Variants in EDEM3 observed in about 807,000 individuals in gnomAD.
EDEM3 encodes the protein ER degradation enhancing alpha-mannosidase like protein 3, also known as ER degradation-enhancing alpha-mannosidase-like protein 3.
Under a neutral mutation model 110.2 loss-of-function variants are expected in EDEM3, and 60 were observed. The observed-to-expected ratio is 0.54, with a 90% CI of 0.44 to 0.67. The LOEUF (loss-of-function observed/expected upper bound fraction) is 0.67, where lower values mean the gene tolerates loss of function less well. EDEM3 is among the 30% of genes least tolerant of loss of function. The pLI is 0.00. For synonymous variants in EDEM3, 352 were observed against 382.9 expected, an observed-to-expected ratio of 0.92 and a Z score of 0.94; for missense variants, 996 against 1,121.0, an observed-to-expected ratio of 0.89 and a Z score of 1.59.
In EDEM3 at chr1:184,693,524, G is replaced by A. The variant is rs1012417366; in HGVS notation, c.*539C>T. Reference sequence around the variant, plus strand: ...ACTAAATGAAACAAGAGAAAGCAATGAGCAAAGACTGTTTTCACCATAAAT... The same window carrying A: ...ACTAAATGAAACAAGAGAAAGCAATAAGCAAAGACTGTTTTCACCATAAAT... On this transcript the variant is annotated 3_prime_UTR_variant, in exon 20 of 20. Coordinates refer to ENST00000318130, the MANE Select transcript of EDEM3 (RefSeq NM_025191.4). 2 of 152,528 alleles carry A rather than the reference G, an allele frequency of 1.3e-5. No homozygotes were observed. The highest frequency in any genetic ancestry group is 2.4e-5 in the African/African-American group (1 of 41,418). 9.4% of individuals were successfully genotyped at this position (152,528 alleles called of 1,614,324 possible).
At chr1:184,747,557 A>G (rs1277723371) in intron 2 of EDEM3, among the ~76,000 whole-genome samples, 5 of 152,234 alleles carry the variant, frequency 3.3e-5, no homozygotes, top group Non-Finnish European at 5.9e-5. Context: ...AGTCACTCAC[A>G]TTGTAAAATA....
rs1649022394 is a variant in EDEM3, at chr1:184,690,632, G to A, written c.*3431C>T. On this transcript the variant is annotated 3_prime_UTR_variant, in exon 20 of 20. Coordinates refer to ENST00000318130, the MANE Select transcript of EDEM3 (RefSeq NM_025191.4). ...GTACATAGTTTCCCTTAGAAATATT[G>A]TATACATTTATCACCAAACAATAAA... 1.3e-5 allele frequency: 2 copies of A among 152,334 alleles called. No individual in the cohort carries two copies. The highest frequency in any genetic ancestry group is 2.1e-4 in the South Asian group (1 of 4,818). The allele number at this position is 152,334 out of a possible 1,614,324, so 9.4% of individuals were successfully genotyped here.
intron 2 of EDEM3, among the ~76,000 whole-genome samples, chr1:184,740,476 T>A (rs1192624007): frequency 6.6e-6 from 1 of 152,228 alleles, no homozygotes; most frequent in Non-Finnish European, 1.5e-5. Context: ...CAAATCACTA[T>A]GTAAATAACA....
chr1:184,724,772 A>G (rs1033413876), intron 7 of EDEM3, among the ~76,000 whole-genome samples: 1 of 152,182 alleles, frequency 6.6e-6, no homozygotes, highest in African/African-American at 2.4e-5. Context: ...CTTCAAAAAG[A>G]TTTCCCTAGT....
At position 184,737,006 on chromosome 1, in the gene EDEM3, CAAG is replaced by C. The variant is rs757880811; in HGVS notation, c.345+16_345+18del. 5 of 1,603,584 alleles carry C rather than the reference CAAG, an allele frequency of 3.1e-6. No homozygotes were observed. Among genetic ancestry groups the C allele is most frequent in the Non-Finnish European group, 4.3e-6 (5 of 1,171,082 alleles). ...GTGCATATCATGAATAAAATAAATCCAAGAAGAGTCAAACCTACCACAAGAGTG... is the reference window on the plus strand; with the variant it reads ...GTGCATATCATGAATAAAATAAATCCAAGAGTCAAACCTACCACAAGAGTG... On this transcript the variant is annotated intron_variant, in intron 4 of 19. Transcript: ENST00000318130.
chr1:184,735,251 G>A (rs904391284), intron 4 of EDEM3, among the ~76,000 whole-genome samples: 2 of 152,120 alleles, frequency 1.3e-5, no homozygotes, highest in African/African-American at 4.8e-5. Flanking sequence ...TCTATAAAAA[G>A]AGGAAATACC....
In EDEM3 at chr1:184,711,931, A is replaced by ATT. The variant is rs35621191; in HGVS notation, c.1537-56_1537-55dup. The stretch of plus-strand genomic sequence containing the variant: ...AGAAATAATTATTTTACTTAACATA[A>ATT]TTTTTTTTTTTTTGAAATGGAGTCT... On this transcript the variant is annotated intron_variant, in intron 14 of 19. Coordinates refer to ENST00000318130, the MANE Select transcript of EDEM3 (RefSeq NM_025191.4). 3,364 of 1,069,374 alleles carry ATT rather than the reference A, an allele frequency of 3.1e-3. 13 individuals are homozygous for ATT. The highest frequency in any genetic ancestry group is 0.027 in the East Asian group (792 of 28,874). 66.2% of individuals were successfully genotyped at this position (1,069,374 alleles called of 1,614,324 possible).
intron 2 of EDEM3, 83 bp from the exon 3 acceptor site, chr1:184,737,794 A>AT: frequency 3.3e-6 from 4 of 1,196,900 alleles, no homozygotes; most frequent in Non-Finnish European, 3.5e-6. Flanking sequence ...TTCACAGTTA[A>AT]AAAATAAAAT....
In EDEM3 at chr1:184,710,479, T is replaced by C; in HGVS notation, c.1760A>G (p.Glu587Gly). The C allele has an allele frequency of 6.2e-7, 1 of 1,613,982 alleles. No individual in the cohort carries two copies. Reference protein sequence around the residue: ...RARDFMATNPEHLEILKKMGV... With the variant: ...RARDFMATNPGHLEILKKMGV... Reference sequence around the variant, plus strand: ...CATCTTCTTCAGGATTTCTAAATGCTCAGGGTTAGTGGCCATGAAATCTCT... The same window carrying C: ...CATCTTCTTCAGGATTTCTAAATGCCCAGGGTTAGTGGCCATGAAATCTCT... The change falls in exon 16 of 20, where the codon GAG (glutamate) becomes GGG (glycine). Residue 587 changes from glutamate (E) to glycine (G), a missense_variant. Glu to Gly is a moderately conservative substitution (Grantham distance 98). Around this residue, in one of 5 missense-constraint regions of EDEM3, gnomAD observed 3 missense variants for 16.4 expected, o/e 0.18. Transcript: ENST00000318130.
At position 184,711,770 on chromosome 1, in the gene EDEM3, G is replaced by A; in HGVS notation, c.1644C>T (p.Pro548=). 2 of 1,613,102 alleles carry A rather than the reference G, an allele frequency of 1.2e-6. No homozygotes were observed. The highest frequency in any genetic ancestry group is 2.2e-5 in the South Asian group (2 of 90,932). ...AGCTCTTATCCACCACATTTTTCAA[G>A]GGCTCACGAATACTTTGAGCATACA... ...DPLYAQSIRE[P]LKNVVDKSCP... Residue 548 remains proline, a synonymous_variant, in exon 15 of 20, where the codon CCC becomes CCT. Coordinates refer to ENST00000318130, the MANE Select transcript of EDEM3 (RefSeq NM_025191.4).
At chr1:184,745,597 G>C (rs2102131932) in intron 2 of EDEM3, among the ~76,000 whole-genome samples, 1 of 152,040 alleles carries the variant, frequency 6.6e-6, no homozygotes, top group South Asian at 2.1e-4. Flanking sequence ...TTTAAACATT[G>C]GGGGGTAGGG....
At chr1:184,707,903 T>C (rs192628065) in intron 17 of EDEM3, among the ~76,000 whole-genome samples, 2 of 152,300 alleles carry the variant, frequency 1.3e-5, no homozygotes, top group Admixed American at 1.3e-4. Flanking sequence ...AGGTATTAAA[T>C]TAGAGAAGAG....
At position 184,719,187 on chromosome 1, in the gene EDEM3, A is replaced by C. The variant is rs1558054181; in HGVS notation, c.1136T>G (p.Ile379Ser). The C allele has an allele frequency of 6.4e-7, 1 of 1,570,608 alleles. No homozygotes were observed. The highest frequency in any genetic ancestry group is 8.6e-7 in the Non-Finnish European group (1 of 1,163,212). ...IETHEMLYQV[I>S]KKHNFLPEAF... ...CTCTGGTAGAAAATTGTGTTTTTTA[A>C]TCACCTGATATAACATTTCATGAGT... is the stretch of plus-strand genomic sequence containing the variant. The change falls in exon 11 of 20, where the codon ATT becomes AGT. Residue 379 changes from isoleucine (I) to serine (S), a missense_variant. Ile to Ser is a moderately radical substitution (Grantham distance 142). Coordinates refer to ENST00000318130, the MANE Select transcript of EDEM3 (RefSeq NM_025191.4).
intron 18 of EDEM3, 112 bp from the exon 19 acceptor site, chr1:184,703,108 A>T (rs1419173081): frequency 2.4e-6 from 2 of 848,554 alleles, no homozygotes; most frequent in East Asian, 6.1e-5. Context: ...TGCATCAAGA[A>T]CCATAAAAAC....
In EDEM3 at chr1:184,693,047, C is replaced by T. The variant is rs1061508; in HGVS notation, c.*1016G>A. 0.39 allele frequency: 60,554 copies of T among 154,614 alleles called. 12,650 individuals are homozygous for T. The highest frequency in any genetic ancestry group is 0.59 in the East Asian group (3,071 of 5,170). The allele number at this position is 154,614 out of a possible 1,614,324, so 9.6% of individuals were successfully genotyped here. On this transcript the variant is annotated 3_prime_UTR_variant, in exon 20 of 20. Coordinates refer to ENST00000318130, the MANE Select transcript of EDEM3 (RefSeq NM_025191.4). ...GAATTTTAACTCACTAACCACAGTT[C>T]TATCATGGCTCTGTAAGACAGAAAA...
At chr1:184,748,604 T>C (rs1263927763) in intron 2 of EDEM3, among the ~76,000 whole-genome samples, 1 of 152,148 alleles carries the variant, frequency 6.6e-6, no homozygotes, top group African/African-American at 2.4e-5. Flanking sequence ...TCTCTCCAAA[T>C]TTACAATATA....
chr1:184,732,792 A>T lies in EDEM3; in HGVS notation c.612+45T>A, dbSNP rs115588906. ...ATCACAAAACTTCATTTTGTAAAAC[A>T]GCAAAGAAAGTATATAAAGACTCAT... On this transcript the variant is annotated intron_variant, in intron 6 of 19. Transcript: ENST00000318130. 2.8e-3 allele frequency: 4,329 copies of T among 1,562,700 alleles called. 39 individuals carry two copies. The highest frequency in any genetic ancestry group is 0.026 in the East Asian group (1,140 of 44,052).
chr1:184,737,451 T>C lies in EDEM3; in HGVS notation c.305+160A>G, dbSNP rs1651894200. On this transcript the variant is annotated intron_variant, in intron 3 of 19. Coordinates refer to ENST00000318130, the MANE Select transcript of EDEM3 (RefSeq NM_025191.4). ...AAGATGTAAACTGATTAATCTTTTATAAATGATAACAGAAGGGAATAAAGG... is the reference window on the plus strand; with the variant it reads ...AAGATGTAAACTGATTAATCTTTTACAAATGATAACAGAAGGGAATAAAGG... 2.0e-5 allele frequency among the ~76,000 whole-genome samples: 3 copies of C among 152,352 alleles called. No individual in the cohort carries two copies. In the South Asian group the frequency reaches 6.2e-4, roughly 32 times the overall value.
At chr1:184,723,952 C>T (rs1432584366) in intron 7 of EDEM3, 96 bp from the exon 8 acceptor site, 18 of 837,582 alleles carry the variant, frequency 2.1e-5, no homozygotes, top group Admixed American at 3.0e-5. Context: ...ACTCAAAGGC[C>T]GATAGGATAT....
Sources: allele counts gnomAD v4.1 joint callset (sites outside exome capture counted in the v4.1 genomes callset), GRCh38; gene constraint gnomAD v4.1.1; regional missense constraint gnomAD v4.1.1; transcripts MANE v1.5; gene names NCBI Gene and HGNC (gene_info 2026-07-23, HGNC 2026-07-21).